The following KIF13A variants were observed in gnomAD, a reference collection of about 807,000 sequenced individuals.
KIF13A encodes kinesin family member 13A, also known as kinesin-like protein KIF13A.
In KIF13A, 79 loss-of-function variants were observed where a neutral mutation model predicts 212.2. The observed-to-expected ratio is 0.37, with a 90% CI of 0.31 to 0.45. The LOEUF (loss-of-function observed/expected upper bound fraction) is 0.45. Ranked by LOEUF, KIF13A falls within the 20% of genes least tolerant of loss-of-function variation. The pLI is 1.00. For synonymous variants in KIF13A, 789 were observed against 808.6 expected, an observed-to-expected ratio of 0.98 and a Z score of 0.41; for missense variants, 1,901 against 2,209.0, an observed-to-expected ratio of 0.86 and a Z score of 2.79.
intron 3 of KIF13A, among the ~76,000 whole-genome samples, chr6:17,891,033 G>A (rs1772008921): frequency 6.6e-6 from 1 of 152,036 alleles, no homozygotes; most frequent in Non-Finnish European, 1.5e-5. Context: ...CAGTCACACT[G>A]AGAAGGAAAG....
chr6:17,880,650 A>G (rs1034699083), intron 3 of KIF13A, among the ~76,000 whole-genome samples: 1 of 138,180 alleles, frequency 7.2e-6, no homozygotes, highest in South Asian at 2.4e-4. Flanking sequence ...AAAAAAAAAA[A>G]GGTCTTGCTC....
chr6:17,765,088 G>T, intron 38 of KIF13A, 142 bp from the exon 39 acceptor site: 1 of 641,540 alleles, frequency 1.6e-6, no homozygotes, highest in Non-Finnish European at 2.7e-6. Context: ...AATTTGGCCA[G>T]ATCTTGTCAC....
Position 17,855,936 on chromosome 6 carries a change from C to A in KIF13A, c.313+94G>T. On this transcript the variant is annotated intron_variant, in intron 5 of 38. Coordinates refer to ENST00000259711, the MANE Select transcript of KIF13A (RefSeq NM_022113.6). This position sits in a 1 kb window ranked among gnomAD's most constrained non-coding sequence, Gnocchi z 4.1. ...ATGTTGCCCAGGCTGGTCTCAAACT[C>A]CTGGGCTCAGGAGATCCTCCCACCC... 1 of 866,708 alleles carries A rather than the reference C, an allele frequency of 1.2e-6. No homozygotes were observed. 53.7% of individuals were successfully genotyped at this position (866,708 alleles called of 1,614,324 possible). A position where few individuals can be genotyped will look rare whatever the true frequency, so the allele number is the denominator to read the frequency against.
chr6:17,959,066 T>G (rs1310792788), intron 2 of KIF13A, among the ~76,000 whole-genome samples: 1 of 151,960 alleles, frequency 6.6e-6, no homozygotes, highest in Admixed American at 6.6e-5. Context: ...TTTTAAAATT[T>G]ATATTTTGTA....
At chr6:17,954,828 C>T in intron 2 of KIF13A, among the ~76,000 whole-genome samples, 1 of 152,036 alleles carries the variant, frequency 6.6e-6, no homozygotes, top group Non-Finnish European at 1.5e-5. Flanking sequence ...CACACAGCAT[C>T]ACACCTGGCT....
intron 4 of KIF13A, among the ~76,000 whole-genome samples, chr6:17,858,129 G>C (rs1768338332): frequency 6.9e-6 from 1 of 144,068 alleles, no homozygotes; most frequent in South Asian, 2.2e-4. Flanking sequence ...ACGCATGTGT[G>C]TGTGTGTGTG....
chr6:17,954,256 G>A (rs1778146648), intron 2 of KIF13A, among the ~76,000 whole-genome samples: 2 of 150,362 alleles, frequency 1.3e-5, no homozygotes. Flanking sequence ...ATGAGCCAAG[G>A]TGGCACCACT....
chr6:17,830,040 GTGTA>G (rs1445832193), intron 13 of KIF13A, among the ~76,000 whole-genome samples: 3 of 152,164 alleles, frequency 2.0e-5, no homozygotes, highest in Non-Finnish European at 4.4e-5. Flanking sequence ...CAGAAAGTGT[GTGTA>G]TGTGTGAGAT....
chr6:17,799,137 C>T lies in KIF13A; in HGVS notation c.2790+129G>A, dbSNP rs528497254. ...AACTATTTGCATTTGTAATGAGGTA[C>T]ATTTTTGAGGTTAAAACATCTAATA... On this transcript the variant is annotated intron_variant, in intron 22 of 38. Coordinates refer to ENST00000259711, the MANE Select transcript of KIF13A (RefSeq NM_022113.6). The surrounding 1 kb of genome is among the most constrained non-coding windows in gnomAD (Gnocchi z 4.4). The T allele has an allele frequency of 2.0e-6, 1 of 503,638 alleles. No homozygotes were observed. The highest frequency in any genetic ancestry group is 5.6e-4 in the Middle Eastern group (1 of 1,790). 31.2% of individuals were successfully genotyped at this position (503,638 alleles called of 1,614,324 possible).
chr6:17,920,074 G>C (rs553902264), intron 2 of KIF13A, among the ~76,000 whole-genome samples: 2 of 152,206 alleles, frequency 1.3e-5, no homozygotes, highest in South Asian at 4.1e-4. Context: ...TTAGTGTTTT[G>C]ACCAAAAGGG....
chr6:17,885,212 A>G (rs1053708386), intron 3 of KIF13A, among the ~76,000 whole-genome samples: 1 of 152,184 alleles, frequency 6.6e-6, no homozygotes, highest in Admixed American at 6.5e-5. Context: ...GTGATCACAG[A>G]ACTGCCTTCA....
At position 17,926,057 on chromosome 6, in the gene KIF13A, G is replaced by A. The variant is rs147783518; in HGVS notation, c.147-27877C>T. Among the ~76,000 whole-genome samples, 1,047 of 152,222 alleles carry A rather than the reference G, an allele frequency of 6.9e-3. 9 individuals carry two copies. The highest frequency in any genetic ancestry group is 0.024 in the African/African-American group (988 of 41,534). On this transcript the variant is annotated intron_variant, in intron 2 of 38. Transcript: ENST00000259711. This position sits in a 1 kb window ranked among gnomAD's most constrained non-coding sequence, Gnocchi z 4.3. ...TATCTATGATGCTCTTATGTAAAAT[G>A]CTCATCTTATAATGAAGATGTCAGA...
intron 20 of KIF13A, among the ~76,000 whole-genome samples, chr6:17,800,580 G>A (rs1762392978): frequency 6.7e-6 from 1 of 148,700 alleles, no homozygotes; most frequent in Non-Finnish European, 1.5e-5. Context: ...GGGATTACAG[G>A]TGCGTGCTAC....
rs189201100 is a variant in KIF13A at position 17,794,328 on chromosome 6, A to G, written c.3143T>C (p.Val1048Ala). The change falls in exon 25 of 39, where the codon GTT becomes GCT. Residue 1048 changes from valine to alanine, a missense_variant. By Grantham distance (64) the Val-to-Ala change is moderately conservative. Transcript: ENST00000259711. The surrounding 1 kb of genome is among the most constrained non-coding windows in gnomAD (Gnocchi z 4.1). ...VQHSGTLPLM[V>A]EAILSVSIGC... ...GATGGATACTGACAGGATGGCTTCAACCATAAGTGGCAGTGTCCCTGAATG... is the reference window on the plus strand; with the variant it reads ...GATGGATACTGACAGGATGGCTTCAGCCATAAGTGGCAGTGTCCCTGAATG... 52 of 1,613,530 alleles carry G rather than the reference A, an allele frequency of 3.2e-5. No homozygotes were observed. In the African/African-American group the frequency reaches 5.9e-4, roughly 18 times the overall value.
At position 17,834,720 on chromosome 6, in the gene KIF13A, T is replaced by C. The variant is rs761498451; in HGVS notation, c.1156-649A>G. Among the ~76,000 whole-genome samples, 16 of 152,158 alleles carry C rather than the reference T, an allele frequency of 1.1e-4. No individual in the cohort carries two copies. The highest frequency in any genetic ancestry group is 1.5e-4 in the Non-Finnish European group (10 of 68,034). The stretch of plus-strand genomic sequence containing the variant: ...AGGCCTTTACTTGTCAATAATATGC[T>C]TTGACACCTTAAAGTAACATGAGCC... On this transcript the variant is annotated intron_variant, in intron 11 of 38. Transcript: ENST00000259711. The surrounding 1 kb of genome is among the most constrained non-coding windows in gnomAD (Gnocchi z 4.0).
intron 3 of KIF13A, among the ~76,000 whole-genome samples, chr6:17,880,587 C>T (rs1205503144): frequency 6.9e-6 from 1 of 145,352 alleles, no homozygotes; most frequent in Non-Finnish European, 1.5e-5. Flanking sequence ...AAGATCGCAC[C>T]ATTGCACTCC....
intron 2 of KIF13A, among the ~76,000 whole-genome samples, chr6:17,909,171 A>G (rs1405935716): frequency 6.6e-6 from 1 of 152,236 alleles, no homozygotes; most frequent in African/African-American, 2.4e-5. Context: ...ACTAAATTTC[A>G]TCTGGGAAAA....
At chr6:17,916,836 T>A (rs1339713216) in intron 2 of KIF13A, among the ~76,000 whole-genome samples, 2 of 152,216 alleles carry the variant, frequency 1.3e-5, no homozygotes, top group Admixed American at 6.5e-5. Flanking sequence ...CCTATTAATA[T>A]AACCCTGAGT....
At chr6:17,887,699 G>A (rs2150463344) in intron 3 of KIF13A, among the ~76,000 whole-genome samples, 1 of 151,814 alleles carries the variant, frequency 6.6e-6, no homozygotes, top group South Asian at 2.1e-4. Flanking sequence ...CATACATCTT[G>A]ATTCTTTTTT....
Sources: allele counts gnomAD v4.1 joint callset (sites outside exome capture counted in the v4.1 genomes callset), GRCh38; gene constraint gnomAD v4.1.1; non-coding constraint Gnocchi (gnomAD v3.1); transcripts MANE v1.5; gene names NCBI Gene and HGNC (gene_info 2026-07-23, HGNC 2026-07-21).